The following RELCH variants were observed in gnomAD, a reference collection of about 807,000 sequenced individuals.
RELCH encodes RAB11 binding and LisH domain, coiled-coil and HEAT repeat containing.
A neutral mutation model predicts 150.3 loss-of-function variants in RELCH; 41 were observed. The observed-to-expected ratio is 0.27, with a 90% CI of 0.21 to 0.35. RELCH has a LOEUF of 0.35. Ranked by LOEUF, RELCH falls within the 10% of genes least tolerant of loss-of-function variation. The probability of loss-of-function intolerance (pLI) is 1.00; values close to 1 mark genes in which losing one functional copy is unlikely to be tolerated. For synonymous variants in RELCH, 478 were observed against 531.8 expected (o/e 0.90, Z 1.39); for missense variants, 1,092 against 1,467.8 (o/e 0.74, Z 4.18).
chr18:62,228,619 T>C, intron 8 of RELCH, 21 bp downstream of exon 8: 2 of 1,549,450 alleles, frequency 1.3e-6, no homozygotes, highest in Admixed American at 3.7e-5. Context: ...ATCCTATATT[T>C]TGAAATGCAT....
At chr18:62,257,381 T>C (rs2043041100) in intron 13 of RELCH, among the ~76,000 whole-genome samples, 2 of 152,092 alleles carry the variant, frequency 1.3e-5, no homozygotes. Context: ...TATTTTATTA[T>C]CCTTTTTTTC....
intron 1 of RELCH, among the ~76,000 whole-genome samples, chr18:62,201,753 A>C (rs1418674191): frequency 6.6e-6 from 1 of 152,188 alleles, no homozygotes; most frequent in Non-Finnish European, 1.5e-5. Flanking sequence ...CCTTTAAAAA[A>C]ATTATTTTGC....
intron 5 of RELCH, among the ~76,000 whole-genome samples, chr18:62,224,006 A>G (rs920994413): frequency 1.3e-5 from 2 of 152,060 alleles, no homozygotes; most frequent in African/African-American, 4.8e-5. Flanking sequence ...TCTAGGGTAC[A>G]TGTGCACAAC....
chr18:62,270,616 T>C (rs775951529), intron 20 of RELCH, among the ~76,000 whole-genome samples: 1 of 152,144 alleles, frequency 6.6e-6, no homozygotes, highest in Admixed American at 6.6e-5. Context: ...AGTACAGCAA[T>C]TCATATTTAT....
At chr18:62,267,263 T>C (rs2043613797) in intron 19 of RELCH, among the ~76,000 whole-genome samples, 1 of 151,816 alleles carries the variant, frequency 6.6e-6, no homozygotes, top group Non-Finnish European at 1.5e-5. Flanking sequence ...TATGGTACCA[T>C]TGGCCTAAGG....
intron 7 of RELCH, 83 bp downstream of exon 7, chr18:62,227,772 T>A: frequency 1.6e-6 from 1 of 624,076 alleles, no homozygotes; most frequent in East Asian, 2.8e-5. Flanking sequence ...TGAAACAATA[T>A]TCCAGTTGCA....
rs780779916 is a variant in RELCH at position 62,298,776 on chromosome 18, A to G, written c.3460-14A>G. On this transcript the variant is annotated splice_polypyrimidine_tract_variant and intron_variant, in intron 27 of 28. Transcript: ENST00000644646. ...TGTAAACTGTATTTCACTAAGGTAA[A>G]TTTTTTTAATCAGGTTATTTTAAGT... is the stretch of plus-strand genomic sequence containing the variant. 5 of 1,368,168 alleles carry G rather than the reference A, an allele frequency of 3.7e-6. No individual in the cohort carries two copies. The East Asian group carries it at 6.9e-5, about 19-fold the overall frequency. 84.8% of individuals were successfully genotyped at this position (1,368,168 alleles called of 1,614,324 possible). A position where few individuals can be genotyped will look rare whatever the true frequency, so the allele number is the denominator to read the frequency against.
chr18:62,223,869 C>G (rs1011628104), intron 5 of RELCH, among the ~76,000 whole-genome samples: 1 of 152,086 alleles, frequency 6.6e-6, no homozygotes, highest in African/African-American at 2.4e-5. Flanking sequence ...ATCCAACATC[C>G]ATTCTCTTTT....
chr18:62,220,191 A>C (rs1052339134), intron 2 of RELCH, among the ~76,000 whole-genome samples: 9 of 152,106 alleles, frequency 5.9e-5, no homozygotes, highest in African/African-American at 2.2e-4. Flanking sequence ...AATCTATTAG[A>C]AGAGTTATCA....
At position 62,275,361 on chromosome 18, in the gene RELCH, T is replaced by TC; in HGVS notation, c.2868-13_2868-12insC. 6.7e-7 allele frequency: 1 copy of TC among 1,484,248 alleles called. No individual in the cohort carries two copies. Among genetic ancestry groups the TC allele is most frequent in the Non-Finnish European group, 9.1e-7 (1 of 1,099,668 alleles). The allele number at this position is 1,484,248 out of a possible 1,614,324, so 91.9% of individuals were successfully genotyped here. A position where few individuals can be genotyped will look rare whatever the true frequency, so the allele number is the denominator to read the frequency against. ...CTCTCAATTTTAACACTGTTTTTTTTTTTTTCTTCTAGTGCAAACCCAGCC... is the reference window on the plus strand; with the variant it reads ...CTCTCAATTTTAACACTGTTTTTTTTCTTTTTCTTCTAGTGCAAACCCAGCC... On this transcript the variant is annotated splice_polypyrimidine_tract_variant and intron_variant, in intron 21 of 28. Coordinates refer to ENST00000644646, the MANE Select transcript of RELCH (RefSeq NM_001346231.2).
chr18:62,257,980 G>A lies in RELCH; in HGVS notation c.1929G>A (p.Met643Ile). 1 of 1,604,498 alleles carries A rather than the reference G, an allele frequency of 6.2e-7. No homozygotes were observed. The change falls in exon 14 of 29, where the codon ATG becomes ATA. Residue 643 changes from methionine (M) to isoleucine (I), a missense_variant. By Grantham distance (10) the Met-to-Ile change is conservative. Transcript: ENST00000644646. ...TCCGTAGCTCCTTGGTTCTTTCAAT[G>A]TTGCAACAAATGTTAATGGAAGATA... ...KEIRSSLVLS[M>I]LQQMLMEDKA...
chr18:62,257,800 C>A (rs1282441502), intron 13 of RELCH, 148 bp from the exon 14 acceptor site: 4 of 582,280 alleles, frequency 6.9e-6, no homozygotes, highest in Admixed American at 8.1e-5. Flanking sequence ...GAAGCAAAAT[C>A]TCTGTACATC....
Position 62,187,705 on chromosome 18 carries a change from C to A in RELCH, c.200C>A (p.Ala67Glu), listed in dbSNP as rs773634162. 18 of 1,597,214 alleles carry A rather than the reference C, an allele frequency of 1.1e-5. No individual in the cohort carries two copies. The highest frequency in any genetic ancestry group is 2.2e-5 in the East Asian group (1 of 44,592). ...PQDPVALGSS[A>E]RPGLPGEASA... ...GATCCCGTGGCCTTAGGAAGCAGTG[C>A]GCGGCCAGGGCTCCCTGGGGAGGCG... The change falls in exon 1 of 29, where the codon GCG (alanine) becomes GAG (glutamate). Residue 67 changes from alanine (A) to glutamate (E), a missense_variant. Around this residue, in one of 4 missense-constraint regions of RELCH, gnomAD observed 138 missense variants for 124.8 expected, o/e 1.11. Transcript: ENST00000644646.
chr18:62,294,474 G>A (rs911588303), intron 27 of RELCH, among the ~76,000 whole-genome samples: 1 of 152,106 alleles, frequency 6.6e-6, no homozygotes, highest in East Asian at 1.9e-4. Flanking sequence ...GCTTATTGAT[G>A]AGTTGTGTTC....
At chr18:62,254,206 T>A (rs1425644117) in intron 12 of RELCH, among the ~76,000 whole-genome samples, 1 of 152,160 alleles carries the variant, frequency 6.6e-6, no homozygotes, top group Non-Finnish European at 1.5e-5. Flanking sequence ...CCTAATTTTA[T>A]ATATTAAGTC....
chr18:62,234,192 G>T (rs187947759), intron 10 of RELCH, among the ~76,000 whole-genome samples: 1 of 151,648 alleles, frequency 6.6e-6, no homozygotes, highest in Non-Finnish European at 1.5e-5. Context: ...ACATTTTTTC[G>T]TTACATCTCT....
chr18:62,251,197 T>C (rs1425777708), intron 11 of RELCH, among the ~76,000 whole-genome samples: 1 of 152,246 alleles, frequency 6.6e-6, no homozygotes, highest in Non-Finnish European at 1.5e-5. Context: ...TTACAGTTTC[T>C]GTGGGTCAGG....
intron 26 of RELCH, among the ~76,000 whole-genome samples, chr18:62,291,041 G>T (rs1419761058): frequency 1.3e-5 from 2 of 152,118 alleles, no homozygotes; most frequent in Non-Finnish European, 2.9e-5. Flanking sequence ...TCTTTAAAGA[G>T]GATCCAGAAA....
chr18:62,273,911 A>G (rs2044048336), intron 20 of RELCH, 69 bp from the exon 21 acceptor site: 2 of 913,960 alleles, frequency 2.2e-6, no homozygotes. Context: ...CTAATTATAG[A>G]TAGGTAAATA....
Sources: allele counts gnomAD v4.1 joint callset (sites outside exome capture counted in the v4.1 genomes callset), GRCh38; gene constraint gnomAD v4.1.1; regional missense constraint gnomAD v4.1.1; transcripts MANE v1.5; gene names NCBI Gene and HGNC (gene_info 2026-07-23, HGNC 2026-07-21).